TSPAN1: variants seen among roughly 807,000 people sequenced by gnomAD.
TSPAN1 encodes tetraspanin 1.
A neutral mutation model predicts 26.9 loss-of-function variants in TSPAN1; 23 were observed. The ratio of observed to expected loss-of-function variants is 0.85; its 90% CI spans 0.62 to 1.21. The LOEUF is 1.21. TSPAN1 is among the 50% of genes most tolerant of loss of function. The pLI is 0.00. For synonymous variants in TSPAN1, 115 were observed against 114.8 expected, an observed-to-expected ratio of 1.00 and a Z score of -0.01; for missense variants, 283 against 298.4, an observed-to-expected ratio of 0.95 and a Z score of 0.38.
chr1:46,175,650 GA>G (rs1453578413), intron 1 of TSPAN1: 1 of 399,582 alleles, frequency 2.5e-6, no homozygotes, highest in African/African-American at 2.1e-5. Context: ...GAAGGAGAGG[GA>G]AGAGTTTGAG....
chr1:46,189,355 A>C (rs1285505849), downstream of TSPAN1: 1 of 1,613,842 alleles, frequency 6.2e-7, no homozygotes, highest in Non-Finnish European at 8.5e-7. Context: ...TGGCTTCTTC[A>C]CTCTGGGAAA....
In TSPAN1 at chr1:46,177,480, A is replaced by G. The variant is rs547101356; in HGVS notation, c.-142+2071A>G. Among the ~76,000 whole-genome samples the G allele has an allele frequency of 2.0e-5, 3 of 152,298 alleles. No individual in the cohort carries two copies. In the East Asian group the frequency reaches 5.8e-4, roughly 29 times the overall value. ...CTTATCTAAAGCACATATTTCCCCT[A>G]TAAGGCACATCACAGCCTTCTTGCA... On this transcript the variant is annotated intron_variant, in intron 1 of 8. Coordinates refer to ENST00000372003, the MANE Select transcript of TSPAN1 (RefSeq NM_005727.4).
the TSPAN1 span, chr1:46,194,727 T>C: frequency 1.9e-6 from 3 of 1,614,090 alleles, no homozygotes; most frequent in Non-Finnish European, 2.5e-6. Flanking sequence ...CCCTGCCTAC[T>C]TTCATCCAAC....
the TSPAN1 span, chr1:46,192,398 G>A: frequency 6.2e-7 from 1 of 1,614,186 alleles, no homozygotes; most frequent in African/African-American, 1.3e-5. Flanking sequence ...TCTCCACACG[G>A]TACAGTAGTG....
Position 46,184,595 on chromosome 1 carries a change from TC to T in TSPAN1, c.267del (p.Phe90SerfsTer29). 6.2e-7 allele frequency: 1 copy of T among 1,614,178 alleles called. No individual in the cohort carries two copies. Among genetic ancestry groups the T allele is most frequent in the East Asian group, 2.2e-5 (1 of 44,888 alleles). ...KTESKCALVT[F>X]FFILLLIFIA... is the part of the protein sequence containing the mutation. ...CCCAGACCCCTGTTCCCCACTCAGT[TC>T]TTCTTCATCCTCCTCCTCATCTTCA... On this transcript the variant is annotated frameshift_variant and splice_region_variant, in exon 5 of 9. Coordinates refer to ENST00000372003, the MANE Select transcript of TSPAN1 (RefSeq NM_005727.4). LOFTEE classifies it high-confidence loss of function.
chr1:46,187,186 T>G (rs1392171122), downstream of TSPAN1, among the ~76,000 whole-genome samples: 1 of 152,202 alleles, frequency 6.6e-6, no homozygotes, highest in Non-Finnish European at 1.5e-5. Flanking sequence ...CCAAGATACT[T>G]GCCCCAGTCC....
the TSPAN1 span, chr1:46,192,687 TCCTTCCTGGAGTACC>T: frequency 6.2e-7 from 1 of 1,600,850 alleles, no homozygotes; most frequent in South Asian, 1.1e-5. Flanking sequence ...CAGGAGCACC[TCCTTCCTGGAGTACC>T]TCCTTCCCCC....
chr1:46,184,177 C>G lies in TSPAN1; in HGVS notation c.58-14C>G. Reference sequence around the variant, plus strand: ...CAGCACTGTTTAAGGCCTGCCTGACCTCTCTCTCCCCAGCTGTGTGGTGCA... The same window carrying G: ...CAGCACTGTTTAAGGCCTGCCTGACGTCTCTCTCCCCAGCTGTGTGGTGCA... On this transcript the variant is annotated splice_polypyrimidine_tract_variant and intron_variant, in intron 3 of 8. Coordinates refer to ENST00000372003, the MANE Select transcript of TSPAN1 (RefSeq NM_005727.4). 1 of 1,613,908 alleles carries G rather than the reference C, an allele frequency of 6.2e-7. No individual in the cohort carries two copies.
downstream of TSPAN1, chr1:46,190,297 G>T (rs1657661167): frequency 1.2e-6 from 1 of 834,642 alleles, no homozygotes; most frequent in Non-Finnish European, 2.0e-6. Flanking sequence ...ACCCACCTCG[G>T]CCTCCCAAAG....
the TSPAN1 span, chr1:46,195,562 G>A: frequency 1.6e-5 from 9 of 546,090 alleles, no homozygotes; most frequent in Non-Finnish European, 2.7e-5. Context: ...TGGAATATAA[G>A]CTCCATGAGG....
the TSPAN1 span, chr1:46,191,351 G>A: frequency 5.2e-6 from 1 of 193,196 alleles, no homozygotes; most frequent in East Asian, 1.3e-4. Context: ...ATGGTCCTCT[G>A]AATGCAGCCA....
chr1:46,185,460 A>T lies in TSPAN1; in HGVS notation c.679-26A>T, dbSNP rs566915171. On this transcript the variant is annotated intron_variant, in intron 8 of 8. Coordinates refer to ENST00000372003, the MANE Select transcript of TSPAN1 (RefSeq NM_005727.4). Reference sequence around the variant, plus strand: ...TTCAGGATCCCTATCATGTTCCCTCATCTCTCCCTGTTCCTCCCTCTCCAG... The same window carrying T: ...TTCAGGATCCCTATCATGTTCCCTCTTCTCTCCCTGTTCCTCCCTCTCCAG... 8.1e-6 allele frequency: 13 copies of T among 1,613,954 alleles called. No homozygotes were observed. In the East Asian group the frequency reaches 2.9e-4, roughly 36 times the overall value.
At chr1:46,190,818 C>T, downstream of TSPAN1, 1 of 1,572,438 alleles carries the variant, frequency 6.4e-7, no homozygotes, top group Non-Finnish European at 8.8e-7. Context: ...ATCAGCACCT[C>T]ACATTGTCTG....
At position 46,184,788 on chromosome 1, in the gene TSPAN1, G is replaced by T; in HGVS notation, c.343G>T (p.Glu115Ter). 1 of 1,614,202 alleles carries T rather than the reference G, an allele frequency of 6.2e-7. No homozygotes were observed. The highest frequency in any genetic ancestry group is 1.1e-5 in the South Asian group (1 of 91,074). Residue 115 changes from glutamate (E) to a stop codon, truncating the protein, a stop_gained, in exon 6 of 9, where the codon GAG (glutamate) becomes TAG (stop). Coordinates refer to ENST00000372003, the MANE Select transcript of TSPAN1 (RefSeq NM_005727.4). LOFTEE classifies it high-confidence loss of function. ...VVALVYTTMA[E>*]HFLTLLVVPA... is the part of the protein sequence containing the mutation. Reference sequence around the variant, plus strand: ...AACACTGGCCTGCCTCACCCAGGCTGAGCACTTCCTGACGTTGCTGGTAGT... The same window carrying T: ...AACACTGGCCTGCCTCACCCAGGCTTAGCACTTCCTGACGTTGCTGGTAGT...
In TSPAN1 at chr1:46,178,014, C is replaced by T. The variant is rs561161068; in HGVS notation, c.-141-2512C>T. ...CACTGACAACTTCTTATGTGCCAAG[C>T]ACCAGGGCCATAGATGAATGTAATC... On this transcript the variant is annotated intron_variant, in intron 1 of 8. Coordinates refer to ENST00000372003, the MANE Select transcript of TSPAN1 (RefSeq NM_005727.4). Among the ~76,000 whole-genome samples the T allele has an allele frequency of 2.0e-5, 3 of 152,282 alleles. No individual in the cohort carries two copies. In the South Asian group the frequency reaches 6.2e-4, roughly 32 times the overall value.
rs1297198097 is a variant in TSPAN1, at chr1:46,175,349, T to G, written c.-202T>G. ...CAAAGATGGTCTATGTTGCTGACCT[T>G]GTCCTGTCCTCCTGCTGTCTTAAAC... On this transcript the variant is annotated 5_prime_UTR_variant, in exon 1 of 9. Transcript: ENST00000372003. The G allele has an allele frequency of 8.1e-6, 3 of 370,484 alleles. No individual in the cohort carries two copies. Among genetic ancestry groups the G allele is most frequent in the Non-Finnish European group, 1.4e-5 (3 of 208,966 alleles). 22.9% of individuals were successfully genotyped at this position (370,484 alleles called of 1,614,324 possible).
downstream of TSPAN1, among the ~76,000 whole-genome samples, chr1:46,187,075 T>C (rs1657450079): frequency 6.6e-6 from 1 of 152,260 alleles, no homozygotes; most frequent in Non-Finnish European, 1.5e-5. Context: ...CCCAAAGAGC[T>C]GGGATTACAG....
the TSPAN1 span, chr1:46,193,135 C>A: frequency 1.9e-6 from 3 of 1,613,420 alleles, no homozygotes; most frequent in African/African-American, 2.7e-5. Context: ...CCCATGTTTC[C>A]CCCCTCCCAG....
chr1:46,193,241 C>G, the TSPAN1 span: 3 of 1,614,136 alleles, frequency 1.9e-6, no homozygotes, highest in Non-Finnish European at 2.5e-6. Context: ...GAATAGGGCA[C>G]ATGAGCTTTA....
Sources: gnomAD v4.1 joint callset for allele counts (sites outside exome capture counted in the v4.1 genomes callset) on GRCh38, gnomAD v4.1.1 for gene constraint, MANE v1.5 for transcripts, NCBI Gene and HGNC (gene_info 2026-07-23, HGNC 2026-07-21) for gene names.